The following KCTD8 variants were observed in gnomAD, a reference collection of about 807,000 sequenced individuals.
KCTD8 encodes BTB/POZ domain-containing protein KCTD8.
Under a neutral mutation model 31.5 loss-of-function variants are expected in KCTD8, and 27 were observed. The ratio of observed to expected loss-of-function variants is 0.86; its 90% CI spans 0.63 to 1.18. The LOEUF is 1.18. Ranked by LOEUF, KCTD8 falls within the 50% of genes most tolerant of loss-of-function variation. The pLI is 0.00. For missense variants in KCTD8, 658 were observed against 647.7 expected (o/e 1.02, Z -0.17); for synonymous variants, 290 against 280.0 (o/e 1.04, Z -0.36).
At chr4:44,261,675 G>T (rs1232612574) in intron 1 of KCTD8, among the ~76,000 whole-genome samples, 1 of 151,872 alleles carries the variant, frequency 6.6e-6, no homozygotes, top group Non-Finnish European at 1.5e-5. Flanking sequence ...AAATAAGTGA[G>T]ATCATACAGT....
At chr4:44,399,256 C>G (rs751408968) in intron 1 of KCTD8, among the ~76,000 whole-genome samples, 1 of 152,028 alleles carries the variant, frequency 6.6e-6, no homozygotes, top group African/African-American at 2.4e-5. Flanking sequence ...AGACGTCTGA[C>G]TGTGGGGGAG....
intron 1 of KCTD8, among the ~76,000 whole-genome samples, chr4:44,385,070 G>C (rs73175298): frequency 0.059 from 8,882 of 151,132 alleles, 856 homozygotes; most frequent in African/African-American, 0.2. Flanking sequence ...TGAAGAAGAA[G>C]AACAACAAAA....
At position 44,290,809 on chromosome 4, in the gene KCTD8, G is replaced by A. The variant is rs1039469413; in HGVS notation, c.962-115559C>T. 2.6e-5 allele frequency among the ~76,000 whole-genome samples: 4 copies of A among 152,170 alleles called. No individual in the cohort carries two copies. The East Asian group carries it at 7.7e-4, about 29-fold the overall frequency. On this transcript the variant is annotated intron_variant, in intron 1 of 1. Coordinates refer to ENST00000360029, the MANE Select transcript of KCTD8 (RefSeq NM_198353.3). The stretch of plus-strand genomic sequence containing the variant: ...CCAAAAGGTTTGGGATGCAGCTAAA[G>A]GAGTATTAAGGGGAAAGTTTATAGA...
At chr4:44,333,899 G>T (rs1718651063) in intron 1 of KCTD8, among the ~76,000 whole-genome samples, 1 of 152,054 alleles carries the variant, frequency 6.6e-6, no homozygotes, top group Non-Finnish European at 1.5e-5. Context: ...AATATTCTTA[G>T]AAAGGTATAA....
At chr4:44,262,544 T>C (rs753523013) in intron 1 of KCTD8, among the ~76,000 whole-genome samples, 5 of 152,126 alleles carry the variant, frequency 3.3e-5, no homozygotes, top group African/African-American at 9.6e-5. Context: ...AAAAAAAGCA[T>C]TATATTTATT....
At chr4:44,201,625 C>A (rs187653668) in intron 1 of KCTD8, among the ~76,000 whole-genome samples, 2 of 151,958 alleles carry the variant, frequency 1.3e-5, no homozygotes, top group Admixed American at 6.6e-5. Flanking sequence ...TGGACTCTAC[C>A]TTTCCCCATA....
At chr4:44,284,772 C>A (rs1717006027) in intron 1 of KCTD8, among the ~76,000 whole-genome samples, 1 of 152,056 alleles carries the variant, frequency 6.6e-6, no homozygotes, top group Non-Finnish European at 1.5e-5. Context: ...AACAAATTTA[C>A]AAGAAAAAAG....
At chr4:44,248,684 C>A (rs1421605574) in intron 1 of KCTD8, among the ~76,000 whole-genome samples, 1 of 151,766 alleles carries the variant, frequency 6.6e-6, no homozygotes, top group Non-Finnish European at 1.5e-5. Flanking sequence ...GAAATGGAAG[C>A]AAATGTTATC....
intron 1 of KCTD8, among the ~76,000 whole-genome samples, chr4:44,354,510 A>T (rs1249021611): frequency 2.6e-5 from 4 of 152,090 alleles, no homozygotes; most frequent in African/African-American, 9.7e-5. Context: ...CATCTCAGGT[A>T]CTATATTTTT....
intron 1 of KCTD8, among the ~76,000 whole-genome samples, chr4:44,223,032 A>G (rs1368202668): frequency 6.6e-6 from 1 of 152,190 alleles, no homozygotes; most frequent in East Asian, 1.9e-4. Flanking sequence ...TGGCTTCATT[A>G]TGTAGAGAAT....
chr4:44,307,370 G>C (rs1717833338), intron 1 of KCTD8, among the ~76,000 whole-genome samples: 1 of 151,816 alleles, frequency 6.6e-6, no homozygotes, highest in Non-Finnish European at 1.5e-5. Flanking sequence ...TATATCTGTT[G>C]CCTAAAACTG....
intron 1 of KCTD8, among the ~76,000 whole-genome samples, chr4:44,281,655 T>A (rs533028256): frequency 6.6e-6 from 1 of 152,248 alleles, no homozygotes; most frequent in African/African-American, 2.4e-5. Context: ...TATCATTTAA[T>A]TAGCCAAGCA....
At position 44,336,067 on chromosome 4, in the gene KCTD8, G is replaced by GTGAACC. The variant is rs796299375; in HGVS notation, c.961+111490_961+111495dup. Among the ~76,000 whole-genome samples, 1,084 of 142,206 alleles carry GTGAACC rather than the reference G, an allele frequency of 7.6e-3. 15 individuals are homozygous for GTGAACC. The highest frequency in any genetic ancestry group is 0.026 in the African/African-American group (1,007 of 38,660). The allele number at this position is 142,206 out of a possible 152,430, so 93.3% of individuals were successfully genotyped here. On this transcript the variant is annotated intron_variant, in intron 1 of 1. Transcript: ENST00000360029. ...TGGGAGGCTGAGGCAGGAGAATGGC[G>GTGAACC]TGAACCCGGGAGGCGGAGCTTGCAG...
intron 1 of KCTD8, among the ~76,000 whole-genome samples, chr4:44,214,515 T>A (rs184268441): frequency 8.2e-4 from 125 of 152,328 alleles, no homozygotes; most frequent in African/African-American, 3.0e-3. Context: ...ATTTTACCAG[T>A]ATAAGATTAA....
chr4:44,344,480 G>A (rs1424836204), intron 1 of KCTD8, among the ~76,000 whole-genome samples: 2 of 152,040 alleles, frequency 1.3e-5, no homozygotes, highest in African/African-American at 2.4e-5. Flanking sequence ...TCATTGTGCC[G>A]GGTATGTACT....
At chr4:44,184,758 C>T (rs1713530266) in intron 1 of KCTD8, among the ~76,000 whole-genome samples, 2 of 152,058 alleles carry the variant, frequency 1.3e-5, no homozygotes, top group South Asian at 4.1e-4. Context: ...TAGCGTTTAC[C>T]ATCTTTCAGG....
At chr4:44,379,038 T>C (rs1209762084) in intron 1 of KCTD8, among the ~76,000 whole-genome samples, 1 of 152,134 alleles carries the variant, frequency 6.6e-6, no homozygotes, top group African/African-American at 2.4e-5. Context: ...TCTCTGACTC[T>C]GAACTTCCTG....
chr4:44,298,154 T>C (rs1010685460), intron 1 of KCTD8, among the ~76,000 whole-genome samples: 1 of 152,136 alleles, frequency 6.6e-6, no homozygotes, highest in Admixed American at 6.5e-5. Context: ...GCTGCAAGAA[T>C]AACAGAAAGA....
chr4:44,440,385 CA>C (rs1257811092), intron 1 of KCTD8, among the ~76,000 whole-genome samples: 1 of 151,964 alleles, frequency 6.6e-6, no homozygotes, highest in Non-Finnish European at 1.5e-5. Context: ...GCTTATGTAA[CA>C]ACTTCTCATG....
Sources: gnomAD v4.1 joint callset for allele counts (sites outside exome capture counted in the v4.1 genomes callset) on GRCh38, gnomAD v4.1.1 for gene constraint, MANE v1.5 for transcripts, NCBI Gene and HGNC (gene_info 2026-07-23, HGNC 2026-07-21) for gene names.